The following ACAD9 variants were observed in gnomAD, a reference collection of about 807,000 sequenced individuals.
ACAD9 encodes the protein acyl-CoA dehydrogenase family member 9, also known as complex I assembly factor ACAD9, mitochondrial.
ACAD9 carries 53 observed loss-of-function variants against 70.2 expected under a neutral mutation model. The ratio of observed to expected loss-of-function variants is 0.75; its 90% confidence interval spans 0.61 to 0.95. The LOEUF is 0.95. Ranked by LOEUF, ACAD9 falls within the 40% of genes least tolerant of loss-of-function variation. The pLI is 0.00. For synonymous variants in ACAD9, 313 were observed against 312.1 expected (o/e 1.00, Z -0.03); for missense variants, 777 against 802.8 (o/e 0.97, Z 0.39).
Position 128,904,066 on chromosome 3 carries a change from G to T in ACAD9, c.963G>T (p.Met321Ile). The change falls in exon 10 of 18, where the codon ATG (methionine) becomes ATT (isoleucine). Residue 321 changes from methionine to isoleucine, a missense_variant. Coordinates refer to ENST00000308982, the MANE Select transcript of ACAD9 (RefSeq NM_014049.5). The stretch of plus-strand genomic sequence containing the variant: ...AATAACTCTGCTCTTCCTCAGAAAT[G>T]ACTGCTGAGTACGCCTGCACAAGGA... ...VAGLLKRLIEMTAEYACTRKQ... is the reference protein window; with the variant it reads ...VAGLLKRLIEITAEYACTRKQ... 2 of 1,614,168 alleles carry T rather than the reference G, an allele frequency of 1.2e-6. No homozygotes were observed. The highest frequency in any genetic ancestry group is 1.1e-5 in the South Asian group (1 of 91,070).
rs758407530 is a variant in ACAD9, at chr3:128,904,444, C to T, written c.1088C>T (p.Thr363Ile). 1.2e-6 allele frequency: 2 copies of T among 1,614,256 alleles called. No individual in the cohort carries two copies. Among genetic ancestry groups the T allele is most frequent in the Admixed American group, 3.3e-5 (2 of 60,034 alleles). Residue 363 changes from threonine (T) to isoleucine (I), a missense_variant, in exon 11 of 18, where the codon ACA (threonine) becomes ATA (isoleucine). Thr to Ile is a moderately conservative substitution (Grantham distance 89). Coordinates refer to ENST00000308982, the MANE Select transcript of ACAD9 (RefSeq NM_014049.5). ...AYVMESMTYL[T>I]AGMLDQPGFP... Reference sequence around the variant, plus strand: ...GTCATGGAGAGTATGACCTACCTCACAGCAGGGATGCTGGACCAACCTGGC... The same window carrying T: ...GTCATGGAGAGTATGACCTACCTCATAGCAGGGATGCTGGACCAACCTGGC...
chr3:128,906,365 CAG>C (rs1328587665), intron 12 of ACAD9, 116 bp downstream of exon 12: 3 of 1,493,878 alleles, frequency 2.0e-6, no homozygotes, highest in Non-Finnish European at 1.8e-6. Flanking sequence ...CGCATGCTCT[CAG>C]GGGCTCTCCT....
In ACAD9 at chr3:128,899,328, G is replaced by A. The variant is rs150459138; in HGVS notation, c.675G>A (p.Val225=). Residue 225 remains valine, a synonymous_variant, in exon 7 of 18, where the codon GTG becomes GTA. Transcript: ENST00000308982. ...TNGGLANIFT[V]FAKTEVVDSD... is the part of the protein sequence containing the mutation. Reference sequence around the variant, plus strand: ...GAGGACTGGCCAATATTTTTACTGTGTTTGCAAAGACTGAGGTCGTTGATT... The same window carrying A: ...GAGGACTGGCCAATATTTTTACTGTATTTGCAAAGACTGAGGTCGTTGATT... 41 of 1,614,240 alleles carry A rather than the reference G, an allele frequency of 2.5e-5. No individual in the cohort carries two copies. Among genetic ancestry groups the A allele is most frequent in the East Asian group, 1.3e-4 (6 of 44,890 alleles).
intron 5 of ACAD9, among the ~76,000 whole-genome samples, chr3:128,897,419 A>G (rs544143092): frequency 6.6e-6 from 1 of 152,224 alleles, no homozygotes; most frequent in African/African-American, 2.4e-5. Context: ...CTCGTGAACC[A>G]CCTGCCTCAG....
intron 2 of ACAD9, among the ~76,000 whole-genome samples, chr3:128,885,518 A>T (rs958636573): frequency 1.3e-5 from 2 of 152,062 alleles, no homozygotes; most frequent in African/African-American, 4.8e-5. Context: ...CAGCCTCCTG[A>T]GTTGCTGGAA....
intron 11 of ACAD9, among the ~76,000 whole-genome samples, chr3:128,904,762 T>C (rs1423339631): frequency 1.3e-5 from 2 of 152,202 alleles, no homozygotes; most frequent in Admixed American, 6.5e-5. Context: ...TTTAGAGTAA[T>C]AACATTGCAT....
At chr3:128,912,352 C>T (rs949584250) in intron 17 of ACAD9, among the ~76,000 whole-genome samples, 155 bp from the exon 18 acceptor site, 1 of 152,154 alleles carries the variant, frequency 6.6e-6, no homozygotes, top group African/African-American at 2.4e-5. Flanking sequence ...CCCTGCAGCC[C>T]TGAATCACTT....
intron 2 of ACAD9, among the ~76,000 whole-genome samples, chr3:128,886,699 A>G (rs913606709): frequency 2.6e-5 from 4 of 151,050 alleles, no homozygotes; most frequent in African/African-American, 9.7e-5. Context: ...TAAGAGTGAA[A>G]CTCTGTCTCA....
chr3:128,892,360 C>T (rs1935445201), intron 2 of ACAD9, among the ~76,000 whole-genome samples: 1 of 151,910 alleles, frequency 6.6e-6, no homozygotes, highest in Non-Finnish European at 1.5e-5. Context: ...TCTTAGTGAC[C>T]CATGTATACA....
At chr3:128,881,700 G>C (rs1392610876) in intron 1 of ACAD9, among the ~76,000 whole-genome samples, 1 of 152,138 alleles carries the variant, frequency 6.6e-6, no homozygotes, top group Admixed American at 6.5e-5. Flanking sequence ...ATCTGACACC[G>C]TTCATCCTTC....
intron 14 of ACAD9, 95 bp from the exon 15 acceptor site, chr3:128,909,249 C>G: frequency 6.3e-7 from 1 of 1,598,644 alleles, no homozygotes; most frequent in South Asian, 1.1e-5. Flanking sequence ...ATTGCTTCCC[C>G]CAGATGGGGC....
chr3:128,894,716 G>A lies in ACAD9; in HGVS notation c.347-594G>A, dbSNP rs534457732. Among the ~76,000 whole-genome samples, 3 of 151,420 alleles carry A rather than the reference G, an allele frequency of 2.0e-5. No homozygotes were observed. In the East Asian group the frequency reaches 5.8e-4, roughly 29 times the overall value. On this transcript the variant is annotated intron_variant, in intron 3 of 17. Coordinates refer to ENST00000308982, the MANE Select transcript of ACAD9 (RefSeq NM_014049.5). ...ATGCCTGGTGAATTTTTTTTATTTT[G>A]TAGAGCTGGGGTCCTGCTATGTTGC... is the stretch of plus-strand genomic sequence containing the variant.
chr3:128,893,987 C>A lies in ACAD9; in HGVS notation c.346+331C>A, dbSNP rs1680781. On this transcript the variant is annotated intron_variant, in intron 3 of 17. Coordinates refer to ENST00000308982, the MANE Select transcript of ACAD9 (RefSeq NM_014049.5). ...TTGAGCATCCTAGTGATGTTTTTAG[C>A]CCCCAAGTGGCGGTTCTGCCTTATT... Among the ~76,000 whole-genome samples, 60,322 of 151,876 alleles carry A rather than the reference C, an allele frequency of 0.4. 13,794 individuals carry two copies. The highest frequency in any genetic ancestry group is 0.62 in the African/African-American group (25,595 of 41,362).
chr3:128,901,201 T>G, intron 7 of ACAD9, 75 bp from the exon 8 acceptor site: 1 of 1,337,722 alleles, frequency 7.5e-7, no homozygotes. Context: ...GATGGATGGA[T>G]GAATTGCCTG....
chr3:128,883,354 T>C (rs1443235128), intron 1 of ACAD9, among the ~76,000 whole-genome samples: 2 of 152,012 alleles, frequency 1.3e-5, no homozygotes, highest in Non-Finnish European at 2.9e-5. Context: ...AGCTTGTTTT[T>C]TTCTTTTTCT....
intron 5 of ACAD9, 33 bp downstream of exon 5, chr3:128,896,569 A>T: frequency 6.2e-7 from 1 of 1,609,018 alleles, no homozygotes; most frequent in African/African-American, 1.3e-5. Flanking sequence ...ATCCCTCAGC[A>T]GCTGTGATGT....
chr3:128,910,919 TCA>T (rs1936226101), intron 17 of ACAD9, 106 bp downstream of exon 17: 7 of 1,344,164 alleles, frequency 5.2e-6, no homozygotes, highest in Non-Finnish European at 5.3e-6. Context: ...TGCTAGCTAC[TCA>T]CAGACCTCTG....
Position 128,911,035 on chromosome 3 carries a change from A to ATG in ACAD9, c.1765+234_1765+235dup, listed in dbSNP as rs375679286. Among the ~76,000 whole-genome samples the ATG allele has an allele frequency of 1.8e-4, 28 of 152,086 alleles. No individual in the cohort carries two copies. The South Asian group carries it at 1.9e-3, about 10-fold the overall frequency. On this transcript the variant is annotated intron_variant, in intron 17 of 17. Coordinates refer to ENST00000308982, the MANE Select transcript of ACAD9 (RefSeq NM_014049.5). The stretch of plus-strand genomic sequence containing the variant: ...TTCACCAAGGCAGTTGTATGTATAT[A>ATG]TGTGTGTGTGTGTATGTATGTATGT...
rs578259269 is a variant in ACAD9 at position 128,910,211 on chromosome 3, T to C, written c.1692+62T>C. ...TGCCATCTGTCCTGCTGCACTTTAA[T>C]GAAGTTGATTGTTGAGGAGGGTGTG... On this transcript the variant is annotated intron_variant, in intron 16 of 17. Transcript: ENST00000308982. 1.9e-6 allele frequency: 3 copies of C among 1,610,948 alleles called. No homozygotes were observed. In the South Asian group the frequency reaches 3.3e-5, roughly 18 times the overall value.
Sources: gnomAD v4.1 joint callset for allele counts (sites outside exome capture counted in the v4.1 genomes callset) on GRCh38, gnomAD v4.1.1 for gene constraint, MANE v1.5 for transcripts, NCBI Gene and HGNC (gene_info 2026-07-23, HGNC 2026-07-21) for gene names.